The following DCLRE1C variants were observed in gnomAD, a reference collection of about 807,000 sequenced individuals.
The protein encoded by DCLRE1C is DNA cross-link repair 1C, also known as protein artemis.
In DCLRE1C, 47 loss-of-function variants were observed where a neutral mutation model predicts 61.4. The ratio of observed to expected loss-of-function variants is 0.77; its 90% CI spans 0.61 to 0.98. DCLRE1C has a LOEUF of 0.98. Ranked by LOEUF, DCLRE1C falls within the 50% of genes least tolerant of loss-of-function variation. The probability of loss-of-function intolerance (pLI) is 0.00; values close to 1 mark genes in which losing one functional copy is unlikely to be tolerated. For missense variants in DCLRE1C, 858 were observed against 816.0 expected (o/e 1.05, Z -0.63); for synonymous variants, 337 against 287.6 (o/e 1.17, Z -1.74).
Position 14,899,178 on chromosome 10 carries a change from G to A in DCLRE1C, c.1291C>T (p.Gln431Ter). ...CTCTATAAAAACTAAATCATTAGCT[G>A]GGCATGGCGGTATGCACCTGTGATC... The change falls in exon 14 of 14, where the codon CAG becomes TAG. Residue 431 changes from glutamine to a stop codon, truncating the protein, a stop_gained. Transcript: ENST00000378289. LOFTEE classifies it high-confidence loss of function. The A allele has an allele frequency of 4.3e-6, 3 of 701,300 alleles. No individual in the cohort carries two copies. The East Asian group carries it at 8.1e-5, about 19-fold the overall frequency. The allele number at this position is 701,300 out of a possible 1,614,324, so 43.4% of individuals were successfully genotyped here. A position where few individuals can be genotyped will look rare whatever the true frequency, so the allele number is the denominator to read the frequency against.
intron 13 of DCLRE1C, among the ~76,000 whole-genome samples, chr10:14,912,064 G>A (rs976849698): frequency 1.3e-5 from 2 of 152,140 alleles, no homozygotes; most frequent in Non-Finnish European, 1.5e-5. Flanking sequence ...TGAACTGAAC[G>A]CTTCCTGTCA....
chr10:14,915,582 TA>T (rs1188226590), intron 13 of DCLRE1C, among the ~76,000 whole-genome samples: 44 of 132,560 alleles, frequency 3.3e-4, no homozygotes, highest in Admixed American at 5.2e-4. Flanking sequence ...GTTAACTCAA[TA>T]AAAAAAAAAA....
At chr10:14,953,051 G>C (rs1032603661) in intron 1 of DCLRE1C, among the ~76,000 whole-genome samples, 1 of 152,226 alleles carries the variant, frequency 6.6e-6, no homozygotes, top group Non-Finnish European at 1.5e-5. Context: ...TCCTGCTCCA[G>C]CACGCTGCAA....
Position 14,907,873 on chromosome 10 carries a change from T to C in DCLRE1C, c.*535A>G, listed in dbSNP as rs1320543449. Reference sequence around the variant, plus strand: ...TTTTTTTTTCTTTTTTTTTTTTTTTTTTTTTGAGACAGAGTTTTGCTCTTG... The same window carrying C: ...TTTTTTTTTCTTTTTTTTTTTTTTTCTTTTTGAGACAGAGTTTTGCTCTTG... On this transcript the variant is annotated 3_prime_UTR_variant, in exon 14 of 14. Coordinates refer to ENST00000378278, the MANE Select transcript of DCLRE1C (RefSeq NM_001033855.3). 2.7e-5 allele frequency: 4 copies of C among 146,376 alleles called. No individual in the cohort carries two copies. Among genetic ancestry groups the C allele is most frequent in the Non-Finnish European group, 4.5e-5 (3 of 66,858 alleles). 9.1% of individuals were successfully genotyped at this position (146,376 alleles called of 1,614,324 possible). A position where few individuals can be genotyped will look rare whatever the true frequency, so the allele number is the denominator to read the frequency against.
intron 4 of DCLRE1C, among the ~76,000 whole-genome samples, chr10:14,937,490 G>A (rs1296388964): frequency 9.2e-5 from 14 of 151,832 alleles, no homozygotes; most frequent in Admixed American, 5.3e-4. Flanking sequence ...CACCATGTTC[G>A]CCAGGCCAGT....
intron 3 of DCLRE1C, among the ~76,000 whole-genome samples, chr10:14,942,980 G>A (rs1841104630): frequency 6.6e-6 from 1 of 152,178 alleles, no homozygotes; most frequent in African/African-American, 2.4e-5. Context: ...ACAAAAATTA[G>A]CCAGGTGTGG....
intron 8 of DCLRE1C, 60 bp from the exon 9 acceptor site, chr10:14,933,015 A>G (rs150280175): frequency 6.3e-7 from 1 of 1,586,090 alleles, no homozygotes; most frequent in Non-Finnish European, 8.7e-7. Flanking sequence ...AAATTGTTCA[A>G]GGTTAATTAC....
Position 14,908,715 on chromosome 10 carries a change from A to T in DCLRE1C, c.1772T>A (p.Met591Lys). 6.2e-7 allele frequency: 1 copy of T among 1,614,204 alleles called. No homozygotes were observed. Among genetic ancestry groups the T allele is most frequent in the Non-Finnish European group, 8.5e-7 (1 of 1,180,032 alleles). ...CTTTGGGCAAATTACATTTTGTTCC[A>T]TGAGAGAGGCAGGAATATTCTCTTT... ...TIKENIPASL[M>K]EQNVICPKDT... The change falls in exon 14 of 14, where the codon ATG (methionine) becomes AAG (lysine). Residue 591 changes from methionine (M) to lysine (K), a missense_variant. By Grantham distance (95) the Met-to-Lys change is moderately conservative. Around this residue, in one of 2 missense-constraint regions of DCLRE1C, gnomAD observed 843 missense variants for 783.5 expected, o/e 1.08. Transcript: ENST00000378278.
chr10:14,921,319 C>CA (rs994527539), intron 12 of DCLRE1C, among the ~76,000 whole-genome samples: 27 of 149,328 alleles, frequency 1.8e-4, no homozygotes, highest in Non-Finnish European at 3.3e-4. Context: ...GACTCCATCT[C>CA]AAAAAAAGAA....
At chr10:14,899,361 C>G (rs1342385457) in intron 13 of DCLRE1C, 1 of 705,368 alleles carries the variant, frequency 1.4e-6, no homozygotes, top group Admixed American at 2.3e-5. Context: ...CATTTTTCTT[C>G]CCCTCATTTT....
At chr10:14,913,709 T>A (rs2131827626) in intron 13 of DCLRE1C, among the ~76,000 whole-genome samples, 1 of 152,298 alleles carries the variant, frequency 6.6e-6, no homozygotes, top group East Asian at 1.9e-4. Flanking sequence ...TAACAACTAG[T>A]TACCAAGCAT....
chr10:14,912,715 A>T (rs1434799814), intron 13 of DCLRE1C, among the ~76,000 whole-genome samples: 2 of 152,214 alleles, frequency 1.3e-5, no homozygotes, highest in East Asian at 3.9e-4. Flanking sequence ...TTTGAGACAG[A>T]GTCTCGCTCT....
intron 1 of DCLRE1C, among the ~76,000 whole-genome samples, chr10:14,952,070 G>A (rs1371517971): frequency 2.0e-5 from 3 of 152,292 alleles, no homozygotes; most frequent in Non-Finnish European, 2.9e-5. Flanking sequence ...CAACAGTAGG[G>A]AAGAGTCCAT....
At chr10:14,924,757 G>C (rs1482110540) in intron 11 of DCLRE1C, among the ~76,000 whole-genome samples, 2 of 152,084 alleles carry the variant, frequency 1.3e-5, no homozygotes, top group African/African-American at 4.8e-5. Flanking sequence ...TGAGGCAGGA[G>C]AATGGTGTGA....
At chr10:14,916,879 G>C (rs1398141799) in intron 13 of DCLRE1C, among the ~76,000 whole-genome samples, 1 of 152,176 alleles carries the variant, frequency 6.6e-6, no homozygotes. Context: ...AAAACCTCAG[G>C]AGAGGACATT....
chr10:14,953,576 T>C (rs1276150026), intron 1 of DCLRE1C, among the ~76,000 whole-genome samples: 2 of 152,046 alleles, frequency 1.3e-5, no homozygotes, highest in Admixed American at 6.6e-5. Context: ...TCTTCATACA[T>C]GGTAGCGAGG....
intron 12 of DCLRE1C, 53 bp downstream of exon 12, chr10:14,922,928 T>G (rs953093298): frequency 1.2e-5 from 16 of 1,294,886 alleles, no homozygotes; most frequent in Middle Eastern, 1.8e-4. Context: ...CTTTGTGTCC[T>G]AGCCAAGAGC....
intron 1 of DCLRE1C, among the ~76,000 whole-genome samples, chr10:14,950,902 C>T (rs1420253174): frequency 6.6e-6 from 1 of 152,148 alleles, no homozygotes; most frequent in Non-Finnish European, 1.5e-5. Context: ...CATAAATTGT[C>T]CCCTCTAGGG....
chr10:14,938,771 C>T (rs1021077011), intron 4 of DCLRE1C, among the ~76,000 whole-genome samples: 2 of 152,144 alleles, frequency 1.3e-5, no homozygotes, highest in African/African-American at 4.8e-5. Flanking sequence ...ATATTAATCA[C>T]CATTTTAAAT....
Sources: allele counts gnomAD v4.1 joint callset (sites outside exome capture counted in the v4.1 genomes callset), GRCh38; gene constraint gnomAD v4.1.1; regional missense constraint gnomAD v4.1.1; transcripts MANE v1.5; gene names NCBI Gene and HGNC (gene_info 2026-07-23, HGNC 2026-07-21).